Variants in XIAP observed in about 807,000 individuals in gnomAD.
XIAP encodes E3 ubiquitin-protein ligase XIAP.
In XIAP, 3 loss-of-function variants were observed where a neutral mutation model predicts 33.1. The ratio of observed to expected loss-of-function variants is 0.09; its 90% CI spans 0.04 to 0.23. XIAP has a LOEUF of 0.23. Among genes scored for constraint, XIAP ranks in the 10% least tolerant of loss-of-function variants. The pLI, the probability that XIAP is intolerant of heterozygous loss-of-function variation, is 1.00. For missense variants in XIAP, 264 were observed against 363.0 expected (o/e 0.73, Z 2.22); for synonymous variants, 98 against 121.3 (o/e 0.81, Z 1.26).
intron 1 of XIAP, among the ~76,000 whole-genome samples, chrX:123,860,966 T>G (rs1366050322): frequency 1.8e-5 from 2 of 111,942 alleles, no homozygotes; most frequent in Non-Finnish European, 3.8e-5. Context: ...TATAATTATG[T>G]CGCTAGTTCT....
intron 5 of XIAP, 45 bp downstream of exon 5, chrX:123,892,818 A>T (rs2053419916): frequency 9.6e-7 from 1 of 1,038,455 alleles, no homozygotes; most frequent in South Asian, 1.9e-5. Flanking sequence ...CTGCCAATTT[A>T]TTTATTTATT....
chrX:123,906,807 C>G (rs1402227945), intron 6 of XIAP, among the ~76,000 whole-genome samples, 181 bp from the exon 7 acceptor site: 2 of 112,155 alleles, frequency 1.8e-5, no homozygotes, highest in Non-Finnish European at 3.8e-5. Flanking sequence ...CTAGCCTCAT[C>G]TTACATCCTC....
At chrX:123,890,283 T>C (rs898366435) in intron 3 of XIAP, among the ~76,000 whole-genome samples, 6 of 104,784 alleles carry the variant, frequency 5.7e-5, no homozygotes, top group African/African-American at 2.1e-4. Flanking sequence ...CCCAAAGTGC[T>C]GGGATTACAG....
intron 1 of XIAP, among the ~76,000 whole-genome samples, chrX:123,861,889 A>C (rs764985768): frequency 8.9e-6 from 1 of 111,812 alleles, no homozygotes; most frequent in East Asian, 2.8e-4. Context: ...TAAGATAGTA[A>C]AAATAATATG....
chrX:123,882,272 G>A (rs1001715853), intron 1 of XIAP, among the ~76,000 whole-genome samples: 8 of 111,517 alleles, frequency 7.2e-5, no homozygotes, highest in Non-Finnish European at 1.5e-4. Context: ...ACCATCGATT[G>A]TTATAAAGCC....
At chrX:123,886,913 C>T (rs1357394262) in intron 2 of XIAP, among the ~76,000 whole-genome samples, 1 of 111,350 alleles carries the variant, frequency 9.0e-6, no homozygotes, top group Non-Finnish European at 1.9e-5. Context: ...CTAAGCTTCA[C>T]AATAGCTTTG....
chrX:123,867,112 C>T (rs2053148406), intron 1 of XIAP, among the ~76,000 whole-genome samples: 1 of 95,524 alleles, frequency 1.0e-5, no homozygotes, highest in African/African-American at 3.9e-5. Flanking sequence ...CTCTGTCGCC[C>T]AGGCTGGAGT....
chrX:123,895,047 G>T (rs902239046), intron 5 of XIAP, among the ~76,000 whole-genome samples: 1 of 111,494 alleles, frequency 9.0e-6, no homozygotes, highest in Non-Finnish European at 1.9e-5. Flanking sequence ...TACCCACTAC[G>T]CAGTGAGTGG....
In XIAP at chrX:123,911,276, G is replaced by C. The variant is rs1429654675; in HGVS notation, c.*4095G>C. ...GCAGATCACCTGAGGTCGGGAGGTC[G>C]AGACCAGCCTGACCAACATGGAGAA... On this transcript the variant is annotated 3_prime_UTR_variant, in exon 7 of 7. Coordinates refer to ENST00000371199, the MANE Select transcript of XIAP (RefSeq NM_001167.4). The C allele has an allele frequency of 3.2e-6, 1 of 315,351 alleles. No homozygotes were observed. The highest frequency in any genetic ancestry group is 6.0e-6 in the Non-Finnish European group (1 of 165,417). 26.0% of individuals were successfully genotyped at this position (315,351 alleles called of 1,213,427 possible). A position where few individuals can be genotyped will look rare whatever the true frequency, so the allele number is the denominator to read the frequency against.
Position 123,884,039 on chromosome X carries a change from A to G in XIAP, c.-32-1592A>G, listed in dbSNP as rs754559013. On this transcript the variant is annotated intron_variant, in intron 1 of 6. Coordinates refer to ENST00000371199, the MANE Select transcript of XIAP (RefSeq NM_001167.4). ...AGATATAACTCAGCTGTTGAGGTAT[A>G]TGAGTTAATACCACTATAAATTGAC... is the stretch of plus-strand genomic sequence containing the variant. Among the ~76,000 whole-genome samples, 8 of 112,353 alleles carry G rather than the reference A, an allele frequency of 7.1e-5. No homozygotes were observed. The South Asian group carries it at 1.8e-3, about 25-fold the overall frequency.
intron 1 of XIAP, among the ~76,000 whole-genome samples, chrX:123,870,932 T>C (rs928493962): frequency 1.8e-5 from 2 of 110,216 alleles, no homozygotes; most frequent in Admixed American, 1.9e-4. Flanking sequence ...CCATCTCTTT[T>C]TGTGTGTGCG....
chrX:123,871,279 GAA>G (rs10713095), intron 1 of XIAP, among the ~76,000 whole-genome samples: 1 of 105,539 alleles, frequency 9.5e-6, no homozygotes, highest in East Asian at 3.0e-4. Context: ...ATCTCTTAAA[GAA>G]AAAAAAAAGA....
At chrX:123,876,096 C>T (rs1202493398) in intron 1 of XIAP, among the ~76,000 whole-genome samples, 1 of 111,695 alleles carries the variant, frequency 9.0e-6, no homozygotes, top group Admixed American at 9.6e-5. Flanking sequence ...TCACTGTAAC[C>T]TGGAATTCCT....
chrX:123,911,537 G>A lies in XIAP; in HGVS notation c.*4356G>A. On this transcript the variant is annotated 3_prime_UTR_variant, in exon 7 of 7. Transcript: ENST00000371199. ...ATAGGTCAATACAAATGTTAGCCAG[G>A]CGTGGTGGCACATGCCCATAGTCGC... 3.1e-6 allele frequency: 1 copy of A among 317,530 alleles called. No individual in the cohort carries two copies. The highest frequency in any genetic ancestry group is 6.0e-6 in the Non-Finnish European group (1 of 166,893). 26.2% of individuals were successfully genotyped at this position (317,530 alleles called of 1,213,427 possible).
chrX:123,896,667 G>A (rs1050653810), intron 5 of XIAP, among the ~76,000 whole-genome samples: 2 of 96,377 alleles, frequency 2.1e-5, no homozygotes, highest in African/African-American at 3.7e-5. Context: ...TGCAACCTCC[G>A]CCTCCCGGGC....
At position 123,910,259 on chromosome X, in the gene XIAP, GC is replaced by G; in HGVS notation, c.*3079del. 1 of 329,399 alleles carries G rather than the reference GC, an allele frequency of 3.0e-6. No homozygotes were observed. The highest frequency in any genetic ancestry group is 3.1e-5 in the Admixed American group (1 of 32,182). The allele number at this position is 329,399 out of a possible 1,213,427, so 27.1% of individuals were successfully genotyped here. ...TTTTCCCCTGTCCCTTTGATTACGG[GC>G]TAAGGTAGGGTAGAGTGGGTGTAGT... On this transcript the variant is annotated 3_prime_UTR_variant, in exon 7 of 7. Coordinates refer to ENST00000371199, the MANE Select transcript of XIAP (RefSeq NM_001167.4).
At position 123,912,920 on chromosome X, in the gene XIAP, A is replaced by G. The variant is rs764041352; in HGVS notation, c.*5739A>G. 6.2e-6 allele frequency: 2 copies of G among 320,305 alleles called. No individual in the cohort carries two copies. The highest frequency in any genetic ancestry group is 1.2e-5 in the Non-Finnish European group (2 of 166,153). 26.4% of individuals were successfully genotyped at this position (320,305 alleles called of 1,213,427 possible). A position where few individuals can be genotyped will look rare whatever the true frequency, so the allele number is the denominator to read the frequency against. Reference sequence around the variant, plus strand: ...ATTCATCTCCCAAAGTGCTGGGATTACAGGCGTGAGCCACCACGGCCGGCT... The same window carrying G: ...ATTCATCTCCCAAAGTGCTGGGATTGCAGGCGTGAGCCACCACGGCCGGCT... On this transcript the variant is annotated 3_prime_UTR_variant, in exon 7 of 7. Coordinates refer to ENST00000371199, the MANE Select transcript of XIAP (RefSeq NM_001167.4).
chrX:123,891,110 T>C, intron 3 of XIAP, 128 bp from the exon 4 acceptor site: 1 of 362,630 alleles, frequency 2.8e-6, no homozygotes, highest in South Asian at 5.9e-5. Flanking sequence ...ACATTTTACT[T>C]TGTGGCTCCT....
chrX:123,892,796 C>G, intron 5 of XIAP, 23 bp downstream of exon 5: 1 of 1,147,349 alleles, frequency 8.7e-7, no homozygotes, highest in Non-Finnish European at 1.2e-6. Context: ...GTTAACTATC[C>G]TTTTAATTTA....
Sources: allele counts gnomAD v4.1 joint callset (sites outside exome capture counted in the v4.1 genomes callset), GRCh38; gene constraint gnomAD v4.1.1; transcripts MANE v1.5; gene names NCBI Gene and HGNC (gene_info 2026-07-23, HGNC 2026-07-21).